The following GABRA6 variants were observed in gnomAD, a reference collection of about 807,000 sequenced individuals.
The protein encoded by GABRA6 is gamma-aminobutyric acid type A receptor subunit alpha6.
A neutral mutation model predicts 47.3 loss-of-function variants in GABRA6; 45 were observed. That is an observed-to-expected ratio of 0.95 (90% confidence interval 0.75 to 1.22). The LOEUF (loss-of-function observed/expected upper bound fraction) is 1.22, where lower values mean the gene tolerates loss of function less well. Ranked by LOEUF, GABRA6 falls within the 50% of genes most tolerant of loss-of-function variation. The pLI is 0.00. For synonymous variants in GABRA6, 219 were observed against 194.7 expected (o/e 1.12, Z -1.04); for missense variants, 583 against 549.3 (o/e 1.06, Z -0.61).
rs1176669836 is a variant in GABRA6 at position 161,686,027 on chromosome 5, GGTGA to G, written c.38+3_38+6del. 1 of 1,613,490 alleles carries G rather than the reference GGTGA, an allele frequency of 6.2e-7. No homozygotes were observed. The highest frequency in any genetic ancestry group is 1.7e-4 in the Middle Eastern group (1 of 6,060). On this transcript the variant is annotated splice_donor_variant and splice_donor_region_variant and intron_variant, in intron 1 of 8. Coordinates refer to ENST00000274545, the MANE Select transcript of GABRA6 (RefSeq NM_000811.3). LOFTEE classifies it high-confidence loss of function. ...CTGCCCTGGCTGTGCATTATTCTGTGGTGAGTAAGATCCTTTTTCCTGATTTTTC... is the reference window on the plus strand; with the variant it reads ...CTGCCCTGGCTGTGCATTATTCTGTGGTAAGATCCTTTTTCCTGATTTTTC...
In GABRA6 at chr5:161,686,251, A is replaced by C. The variant is rs112717732; in HGVS notation, c.60A>C (p.Lys20Asn). ...ACAGGCTAGAAAATGCCCTAGGGAA[A>C]CTCGAAGTTGAAGGCAACTTCTACT... ...IILWLENALGKLEVEGNFYSE... is the reference protein window; with the variant it reads ...IILWLENALGNLEVEGNFYSE... Residue 20 changes from lysine (K) to asparagine (N), a missense_variant, in exon 2 of 9, where the codon AAA (lysine) becomes AAC (asparagine). Lys to Asn is a moderately conservative substitution (Grantham distance 94). Coordinates refer to ENST00000274545, the MANE Select transcript of GABRA6 (RefSeq NM_000811.3). 6.2e-7 allele frequency: 1 copy of C among 1,613,682 alleles called. No homozygotes were observed. Among genetic ancestry groups the C allele is most frequent in the African/African-American group, 1.3e-5 (1 of 74,890 alleles).
chr5:161,686,737 T>C (rs1754708303), intron 2 of GABRA6, among the ~76,000 whole-genome samples, 199 bp from the exon 3 acceptor site: 1 of 152,166 alleles, frequency 6.6e-6, no homozygotes, highest in African/African-American at 2.4e-5. Context: ...TTCTCCCAAT[T>C]GACTAGAATA....
At chr5:161,694,987 C>T (rs746242473) in intron 8 of GABRA6, among the ~76,000 whole-genome samples, 8 of 152,050 alleles carry the variant, frequency 5.3e-5, no homozygotes, top group Non-Finnish European at 8.8e-5. Context: ...CTCCCAAATA[C>T]CATGACATTT....
intron 8 of GABRA6, among the ~76,000 whole-genome samples, chr5:161,694,006 C>A (rs1227097456): frequency 1.3e-5 from 2 of 152,012 alleles, no homozygotes; most frequent in Non-Finnish European, 2.9e-5. Flanking sequence ...ATAATATATT[C>A]TTTATGTATC....
chr5:161,686,198 G>A (rs1172421117), intron 1 of GABRA6, 32 bp from the exon 2 acceptor site: 2 of 1,529,932 alleles, frequency 1.3e-6, no homozygotes, highest in Non-Finnish European at 1.8e-6. Context: ...CTCTGAGCCT[G>A]GGAGTAAGGA....
In GABRA6 at chr5:161,699,394, A is replaced by G. The variant is rs546376797; in HGVS notation, c.1087-2104A>G. On this transcript the variant is annotated intron_variant, in intron 8 of 8. Coordinates refer to ENST00000274545, the MANE Select transcript of GABRA6 (RefSeq NM_000811.3). Reference sequence around the variant, plus strand: ...TCTTTCAGGTAGAGAATATTTTAATACTATATTTAATAGGTGAAAATTTAG... The same window carrying G: ...TCTTTCAGGTAGAGAATATTTTAATGCTATATTTAATAGGTGAAAATTTAG... Among the ~76,000 whole-genome samples the G allele has an allele frequency of 7.2e-5, 11 of 152,174 alleles. No individual in the cohort carries two copies. The South Asian group carries it at 1.7e-3, about 23-fold the overall frequency.
chr5:161,692,043 G>C lies in GABRA6; in HGVS notation c.929G>C (p.Cys310Ser). Residue 310 changes from cysteine to serine, a missense_variant, in exon 8 of 9, where the codon TGC (cysteine) becomes TCC (serine). Coordinates refer to ENST00000274545, the MANE Select transcript of GABRA6 (RefSeq NM_000811.3). ...GCCATGGATTGGTTCATAGCTGTTT[G>C]CTTTGCATTCGTCTTCTCTGCGCTT... is the stretch of plus-strand genomic sequence containing the variant. ...ATAMDWFIAV[C>S]FAFVFSALIE... 1 of 1,614,152 alleles carries C rather than the reference G, an allele frequency of 6.2e-7. No individual in the cohort carries two copies. Among genetic ancestry groups the C allele is most frequent in the East Asian group, 2.2e-5 (1 of 44,872 alleles).
At chr5:161,692,223 A>G in intron 8 of GABRA6, 23 bp downstream of exon 8, 2 of 1,614,112 alleles carry the variant, frequency 1.2e-6, no homozygotes, top group Non-Finnish European at 8.5e-7. Context: ...TTTTTCTATC[A>G]TTACCTACCG....
In GABRA6 at chr5:161,686,883, A is replaced by C. The variant is rs1034830687; in HGVS notation, c.158-53A>C. 2.7e-6 allele frequency: 4 copies of C among 1,484,668 alleles called. No homozygotes were observed. The African/African-American group carries it at 4.1e-5, about 15-fold the overall frequency. The allele number at this position is 1,484,668 out of a possible 1,614,324, so 92.0% of individuals were successfully genotyped here. ...GTTTGGTGGTAGAGGGCTGAGATCAATCCCCTTAACATCAGTGGTGATAAT... is the reference window on the plus strand; with the variant it reads ...GTTTGGTGGTAGAGGGCTGAGATCACTCCCCTTAACATCAGTGGTGATAAT... On this transcript the variant is annotated intron_variant, in intron 2 of 8. Coordinates refer to ENST00000274545, the MANE Select transcript of GABRA6 (RefSeq NM_000811.3).
chr5:161,698,223 A>G (rs1372807421), intron 8 of GABRA6, among the ~76,000 whole-genome samples: 1 of 152,206 alleles, frequency 6.6e-6, no homozygotes, highest in Non-Finnish European at 1.5e-5. Context: ...AAGAGTTTCC[A>G]TGCTAGGAAA....
chr5:161,689,152 C>G lies in GABRA6; in HGVS notation c.429C>G (p.Thr143=). Residue 143 remains threonine, a synonymous_variant, in exon 4 of 9, where the codon ACC becomes ACG. Transcript: ENST00000274545. Reference sequence around the variant, plus strand: ...TCTTCAGAATAATGCAGAATGGAACCATTTTATACACCATGAGGTGAGGTT... The same window carrying G: ...TCTTCAGAATAATGCAGAATGGAACGATTTTATACACCATGAGGTGAGGTT... ...NKLFRIMQNG[T]ILYTMRLTIN... is the part of the protein sequence containing the mutation. 1 of 1,613,724 alleles carries G rather than the reference C, an allele frequency of 6.2e-7. No individual in the cohort carries two copies. Among genetic ancestry groups the G allele is most frequent in the Non-Finnish European group, 8.5e-7 (1 of 1,179,698 alleles).
At chr5:161,687,459 G>A (rs1449825236) in intron 3 of GABRA6, 5 of 451,886 alleles carry the variant, frequency 1.1e-5, no homozygotes, top group Non-Finnish European at 2.2e-5. Flanking sequence ...CATTTGGAAA[G>A]GCTGATGCTC....
At position 161,688,996 on chromosome 5, in the gene GABRA6, G is replaced by A. The variant is rs2113069411; in HGVS notation, c.273G>A (p.Arg91=). The A allele has an allele frequency of 1.2e-6, 2 of 1,613,992 alleles. No homozygotes were observed. The highest frequency in any genetic ancestry group is 1.7e-5 in the Admixed American group (1 of 60,010). Residue 91 remains arginine, a synonymous_variant, in exon 4 of 9, where the codon AGG becomes AGA. Coordinates refer to ENST00000274545, the MANE Select transcript of GABRA6 (RefSeq NM_000811.3). ...VFFRQTWTDE[R]LKFGGPTEIL... ...TCCGCCAGACCTGGACTGATGAGAG[G>A]TTGAAGTTTGGGGGGCCAACTGAGA...
intron 5 of GABRA6, 67 bp from the exon 6 acceptor site, chr5:161,689,569 C>A (rs2113070693): frequency 7.3e-7 from 1 of 1,369,978 alleles, no homozygotes; most frequent in Non-Finnish European, 1.0e-6. Flanking sequence ...AGACAATGTG[C>A]ACTTTGAAGG....
At chr5:161,689,450 G>C (rs1754755288) in intron 5 of GABRA6, 114 bp downstream of exon 5, 3 of 1,074,090 alleles carry the variant, frequency 2.8e-6, no homozygotes, top group Non-Finnish European at 1.4e-6. Flanking sequence ...CTATCAGTGT[G>C]ATTCTAGGAA....
rs774050094 is a variant in GABRA6, at chr5:161,692,211, A to G, written c.1086+11A>G. The stretch of plus-strand genomic sequence containing the variant: ...GCTGAGATTGTTTTGGTAATTGTTT[A>G]CTTTTTCTATCATTACCTACCGTAG... On this transcript the variant is annotated intron_variant, in intron 8 of 8. Transcript: ENST00000274545. 5.6e-6 allele frequency: 9 copies of G among 1,614,196 alleles called. No individual in the cohort carries two copies. Among genetic ancestry groups the G allele is most frequent in the Middle Eastern group, 3.3e-4 (2 of 6,062 alleles).
Position 161,692,053 on chromosome 5 carries a change from C to T in GABRA6, c.939C>T (p.Phe313=), listed in dbSNP as rs781301508. ...MDWFIAVCFA[F]VFSALIEFAA... ...GGTTCATAGCTGTTTGCTTTGCATTCGTCTTCTCTGCGCTTATCGAGTTCG... is the reference window on the plus strand; with the variant it reads ...GGTTCATAGCTGTTTGCTTTGCATTTGTCTTCTCTGCGCTTATCGAGTTCG... Residue 313 remains phenylalanine, a synonymous_variant, in exon 8 of 9, where the codon TTC becomes TTT. Transcript: ENST00000274545. 1.2e-6 allele frequency: 2 copies of T among 1,614,156 alleles called. No homozygotes were observed. Among genetic ancestry groups the T allele is most frequent in the Non-Finnish European group, 1.7e-6 (2 of 1,180,028 alleles).
At chr5:161,698,891 A>G (rs1316655866) in intron 8 of GABRA6, among the ~76,000 whole-genome samples, 4 of 152,144 alleles carry the variant, frequency 2.6e-5, no homozygotes, top group Non-Finnish European at 5.9e-5. Context: ...TAATTTTTTA[A>G]TTTAGGTAAA....
At chr5:161,687,336 C>G (rs967366315) in intron 3 of GABRA6, 7 of 389,534 alleles carry the variant, frequency 1.8e-5, no homozygotes, top group African/African-American at 1.5e-4. Context: ...AAAAAAAACA[C>G]ACAGATCTTA....
Sources: gnomAD v4.1 joint callset for allele counts (sites outside exome capture counted in the v4.1 genomes callset) on GRCh38, gnomAD v4.1.1 for gene constraint, MANE v1.5 for transcripts, NCBI Gene and HGNC (gene_info 2026-07-23, HGNC 2026-07-21) for gene names.